Variants in ASCC2 observed in about 807,000 individuals in gnomAD.
ASCC2 encodes the protein ASC-1 complex subunit P100.
A neutral mutation model predicts 93.5 loss-of-function variants in ASCC2; 42 were observed. The observed-to-expected ratio is 0.45, with a 90% CI of 0.35 to 0.58. The LOEUF is 0.58. Among genes scored for constraint, ASCC2 ranks in the 20% least tolerant of loss-of-function variants. The pLI is 0.00. For missense variants in ASCC2, 859 were observed against 977.6 expected (o/e 0.88, Z 1.62); for synonymous variants, 364 against 384.2 (o/e 0.95, Z 0.62).
chr22:29,822,622 CTT>C (rs904304975), intron 4 of ASCC2, among the ~76,000 whole-genome samples, 158 bp from the exon 5 acceptor site: 12 of 136,618 alleles, frequency 8.8e-5, no homozygotes, highest in Admixed American at 1.5e-4. Context: ...TCCCCCCGCC[CTT>C]TTTTTTTTTT....
intron 2 of ASCC2, among the ~76,000 whole-genome samples, chr22:29,829,126 A>C (rs1201390869): frequency 2.0e-5 from 3 of 152,154 alleles, no homozygotes; most frequent in Non-Finnish European, 2.9e-5. Context: ...CAGTGAGCAG[A>C]GATCATGCCA....
chr22:29,832,662 T>G (rs1229256341), intron 1 of ASCC2: 2 of 186,992 alleles, frequency 1.1e-5, no homozygotes, highest in Non-Finnish European at 2.2e-5. Context: ...CTCAGCTCAC[T>G]GCAACCTCCG....
chr22:29,788,695 T>C lies in ASCC2; in HGVS notation c.*318A>G, dbSNP rs1569350875. On this transcript the variant is annotated 3_prime_UTR_variant, in exon 20 of 20. Coordinates refer to ENST00000307790, the MANE Select transcript of ASCC2 (RefSeq NM_032204.5). The stretch of plus-strand genomic sequence containing the variant: ...CCTGCTGTCCAGGGTAAAGGGGAAG[T>C]GGTGTCTTGTGGCCCGAGGTTTGGG... 2 of 401,092 alleles carry C rather than the reference T, an allele frequency of 5.0e-6. No individual in the cohort carries two copies. Among genetic ancestry groups the C allele is most frequent in the East Asian group, 9.9e-5 (2 of 20,154 alleles). 24.8% of individuals were successfully genotyped at this position (401,092 alleles called of 1,614,324 possible).
rs1254461494 is a variant in ASCC2, at chr22:29,790,450, C to A, written c.2102+19G>T. On this transcript the variant is annotated intron_variant, in intron 19 of 19. Coordinates refer to ENST00000307790, the MANE Select transcript of ASCC2 (RefSeq NM_032204.5). ...ATGGTGGGAGGGGTCCCCCCAGAAG[C>A]AGCCCCTTGAATGCTCACCCTTTCT... The A allele has an allele frequency of 6.2e-7, 1 of 1,613,786 alleles. No homozygotes were observed. The highest frequency in any genetic ancestry group is 8.5e-7 in the Non-Finnish European group (1 of 1,179,838).
chr22:29,790,569 C>T, intron 18 of ASCC2, 21 bp from the exon 19 acceptor site: 2 of 1,611,706 alleles, frequency 1.2e-6, no homozygotes, highest in Non-Finnish European at 1.7e-6. Flanking sequence ...GAGAGGAGAC[C>T]AAATCTGGAG....
At position 29,827,923 on chromosome 22, in the gene ASCC2, C is replaced by T. The variant is rs1279509153; in HGVS notation, c.82-2143G>A. Among the ~76,000 whole-genome samples the T allele has an allele frequency of 1.4e-5, 2 of 143,770 alleles. 1 individual carries two copies. Among genetic ancestry groups the T allele is most frequent in the Non-Finnish European group, 3.0e-5 (2 of 65,616 alleles). The allele number at this position is 143,770 out of a possible 152,430, so 94.3% of individuals were successfully genotyped here. ...TGACACACACACACACACACACACA[C>T]ACACACCAGGCTACTCATTCTTCTG... On this transcript the variant is annotated intron_variant, in intron 2 of 19. Coordinates refer to ENST00000307790, the MANE Select transcript of ASCC2 (RefSeq NM_032204.5).
chr22:29,827,511 C>T, intron 2 of ASCC2: 1 of 464,914 alleles, frequency 2.2e-6, no homozygotes, highest in Non-Finnish European at 4.5e-6. Context: ...GTGGGTACCA[C>T]AAGGATTCTT....
At chr22:29,808,599 T>C (rs556236125) in intron 8 of ASCC2, among the ~76,000 whole-genome samples, 18 of 152,066 alleles carry the variant, frequency 1.2e-4, no homozygotes, top group East Asian at 7.8e-4. Flanking sequence ...GGCAGGAAGA[T>C]TGCTTGAGCC....
intron 5 of ASCC2, chr22:29,821,955 C>T (rs745410634): frequency 2.7e-5 from 12 of 448,912 alleles, no homozygotes; most frequent in Non-Finnish European, 4.0e-5. Context: ...AATATGATTG[C>T]GCCACTGCAC....
At chr22:29,821,915 C>A (rs763334585) in intron 5 of ASCC2, 4 of 450,570 alleles carry the variant, frequency 8.9e-6, no homozygotes, top group South Asian at 6.2e-5. Context: ...GGGGGGATAG[C>A]TTTACTCCAG....
intron 8 of ASCC2, chr22:29,810,249 C>T (rs2060131735): frequency 6.6e-6 from 1 of 152,198 alleles, no homozygotes; most frequent in African/African-American, 2.4e-5. Context: ...GAATATATTG[C>T]CCTGTTGCCC....
rs760372919 is a variant in ASCC2, at chr22:29,825,199, C to T, written c.299G>A (p.Arg100His). Reference sequence around the variant, plus strand: ...TGAGGCCACCCCCTCGTCGAATTTGCGGGGGACATAGCGCAGGTAGGAGTC... The same window carrying T: ...TGAGGCCACCCCCTCGTCGAATTTGTGGGGGACATAGCGCAGGTAGGAGTC... ...CLDSYLRYVP[R>H]KFDEGVASAP... The change falls in exon 4 of 20, where the codon CGC becomes CAC. Residue 100 changes from arginine to histidine, a missense_variant. Physicochemically the swap from Arg to His is conservative, Grantham distance 29 (BLOSUM62 0). Coordinates refer to ENST00000307790, the MANE Select transcript of ASCC2 (RefSeq NM_032204.5). This position sits in a 1 kb window ranked among gnomAD's most constrained non-coding sequence, Gnocchi z 4.9. 6.4e-6 allele frequency: 10 copies of T among 1,558,302 alleles called. No individual in the cohort carries two copies. The highest frequency in any genetic ancestry group is 2.0e-5 in the Admixed American group (1 of 50,276).
chr22:29,837,471 G>C (rs2063973056), intron 1 of ASCC2, among the ~76,000 whole-genome samples: 1 of 152,084 alleles, frequency 6.6e-6, no homozygotes, highest in Non-Finnish European at 1.5e-5. Context: ...TCTGAACTTT[G>C]AGCTCCAAAA....
chr22:29,833,732 A>G (rs1346903355), intron 1 of ASCC2: 3 of 428,212 alleles, frequency 7.0e-6, no homozygotes, highest in African/African-American at 4.1e-5. Flanking sequence ...GAAGAGAGAC[A>G]GAGGCTGGGG....
At chr22:29,827,727 TCTCA>T (rs2062552232) in intron 2 of ASCC2, 4 of 411,686 alleles carry the variant, frequency 9.7e-6, no homozygotes, top group East Asian at 7.3e-5. Flanking sequence ...TTCCCTCACT[TCTCA>T]CTCAGGCCAG....
At position 29,836,811 on chromosome 22, in the gene ASCC2, C is replaced by T. The variant is rs541405048; in HGVS notation, c.-18+1367G>A. ...CAGGTGATCCGCCCGCCTTGGCTTC[C>T]CAAAATGCTGGGATTACAGGCATGA... On this transcript the variant is annotated intron_variant, in intron 1 of 19. Transcript: ENST00000307790. Among the ~76,000 whole-genome samples, 154 of 152,256 alleles carry T rather than the reference C, an allele frequency of 1.0e-3. 1 individual carries two copies. The highest frequency in any genetic ancestry group is 3.6e-3 in the African/African-American group (151 of 41,560).
intron 18 of ASCC2, 23 bp from the exon 19 acceptor site, chr22:29,790,571 A>C: frequency 6.2e-7 from 1 of 1,611,070 alleles, no homozygotes; most frequent in Admixed American, 1.7e-5. Context: ...GAGGAGACCA[A>C]ATCTGGAGTC....
chr22:29,833,964 ATCTT>A (rs1297119945), intron 1 of ASCC2: 1 of 178,102 alleles, frequency 5.6e-6, no homozygotes, highest in African/African-American at 2.4e-5. Context: ...CAATACGCCC[ATCTT>A]GGCTTCCCAA....
chr22:29,802,664 C>T (rs1050296935), intron 13 of ASCC2, among the ~76,000 whole-genome samples: 3 of 151,762 alleles, frequency 2.0e-5, no homozygotes, highest in Non-Finnish European at 4.4e-5. Flanking sequence ...GCCAGGTGGC[C>T]GGGTGTGGTG....
Sources: allele counts gnomAD v4.1 joint callset (sites outside exome capture counted in the v4.1 genomes callset), GRCh38; gene constraint gnomAD v4.1.1; non-coding constraint Gnocchi (gnomAD v3.1); transcripts MANE v1.5; gene names NCBI Gene and HGNC (gene_info 2026-07-23, HGNC 2026-07-21).